TOR1AIP1: variants seen among roughly 807,000 people sequenced by gnomAD.
TOR1AIP1 encodes the protein torsin 1A interacting protein 1.
A neutral mutation model predicts 63.3 loss-of-function variants in TOR1AIP1; 54 were observed. The observed-to-expected ratio is 0.85, with a 90% CI of 0.69 to 1.07. TOR1AIP1 has a LOEUF of 1.07. Ranked by LOEUF, TOR1AIP1 falls within the 50% of genes least tolerant of loss-of-function variation. TOR1AIP1 has a pLI of 0.00. For missense variants in TOR1AIP1, 736 were observed against 715.0 expected (o/e 1.03, Z -0.33); for synonymous variants, 294 against 273.5 (o/e 1.07, Z -0.74).
At position 179,918,497 on chromosome 1, in the gene TOR1AIP1, G is replaced by C. The variant is rs912602020; in HGVS notation, c.*258G>C. On this transcript the variant is annotated 3_prime_UTR_variant, in exon 10 of 10. Coordinates refer to ENST00000606911, the MANE Select transcript of TOR1AIP1 (RefSeq NM_015602.4). ...TTATATGCAGTTCCTTAGAGAATCT[G>C]TTTTGATTCTGGGCTGAGTTATTAC... 5.3e-6 allele frequency: 2 copies of C among 377,530 alleles called. No homozygotes were observed. Among genetic ancestry groups the C allele is most frequent in the Non-Finnish European group, 4.7e-6 (1 of 210,580 alleles). The allele number at this position is 377,530 out of a possible 1,614,324, so 23.4% of individuals were successfully genotyped here.
At chr1:179,890,908 C>G (rs549857113) in intron 3 of TOR1AIP1, among the ~76,000 whole-genome samples, 1 of 152,202 alleles carries the variant, frequency 6.6e-6, no homozygotes, top group African/African-American at 2.4e-5. Flanking sequence ...GCATGCACAA[C>G]TGCGCCCAAC....
Position 179,882,375 on chromosome 1 carries a change from C to A in TOR1AIP1, c.-128C>A. ...ACGACGCAGGCGGCGGCCCCAGCGA[C>A]TCGCAACTGCCTCCCTGACCACAGC... On this transcript the variant is annotated 5_prime_UTR_variant, in exon 1 of 10. Coordinates refer to ENST00000606911, the MANE Select transcript of TOR1AIP1 (RefSeq NM_015602.4). 1.0e-6 allele frequency: 1 copy of A among 989,922 alleles called. No individual in the cohort carries two copies. The highest frequency in any genetic ancestry group is 1.4e-6 in the Non-Finnish European group (1 of 732,980). The allele number at this position is 989,922 out of a possible 1,614,324, so 61.3% of individuals were successfully genotyped here.
intron 8 of TOR1AIP1, among the ~76,000 whole-genome samples, chr1:179,910,541 C>T (rs1648801046): frequency 6.6e-6 from 1 of 152,162 alleles, no homozygotes; most frequent in South Asian, 2.1e-4. Flanking sequence ...TTTCTTATTG[C>T]TGTGATTATG....
chr1:179,897,092 ATTC>A (rs1648307564), intron 3 of TOR1AIP1, among the ~76,000 whole-genome samples: 1 of 152,226 alleles, frequency 6.6e-6, no homozygotes, highest in African/African-American at 2.4e-5. Context: ...ATAACTAGTT[ATTC>A]TTGTTTTGAA....
chr1:179,918,364 A>G lies in TOR1AIP1; in HGVS notation c.*125A>G. ...CTTTTTAAAGAAGTTAAGTGCTTAC[A>G]TAAACATGGAACATATAAATCATTC... On this transcript the variant is annotated 3_prime_UTR_variant, in exon 10 of 10. Coordinates refer to ENST00000606911, the MANE Select transcript of TOR1AIP1 (RefSeq NM_015602.4). 1 of 830,140 alleles carries G rather than the reference A, an allele frequency of 1.2e-6. No homozygotes were observed. Among genetic ancestry groups the G allele is most frequent in the Non-Finnish European group, 1.8e-6 (1 of 548,004 alleles). 51.4% of individuals were successfully genotyped at this position (830,140 alleles called of 1,614,324 possible).
chr1:179,908,750 T>G, intron 8 of TOR1AIP1, 77 bp downstream of exon 8: 1 of 1,216,510 alleles, frequency 8.2e-7, no homozygotes, highest in South Asian at 1.3e-5. Context: ...ATTTAGTTCT[T>G]CAGATAAACA....
At chr1:179,914,202 C>A in intron 9 of TOR1AIP1, 148 bp downstream of exon 9, 1 of 700,110 alleles carries the variant, frequency 1.4e-6, no homozygotes, top group Non-Finnish European at 2.4e-6. Flanking sequence ...ATATATTCTA[C>A]TAGCAGTGAA....
intron 8 of TOR1AIP1, chr1:179,913,498 G>T: frequency 1.4e-6 from 1 of 690,010 alleles, no homozygotes; most frequent in Non-Finnish European, 2.6e-6. Context: ...AAATAGTGAG[G>T]ATTAAGATTT....
chr1:179,883,940 GT>G, intron 1 of TOR1AIP1: 1 of 273,310 alleles, frequency 3.7e-6, no homozygotes, highest in Non-Finnish European at 7.5e-6. Context: ...GGATGACATA[GT>G]TTGTGGTAGA....
intron 3 of TOR1AIP1, among the ~76,000 whole-genome samples, chr1:179,893,001 G>A (rs924606377): frequency 6.6e-6 from 1 of 152,174 alleles, no homozygotes; most frequent in African/African-American, 2.4e-5. Flanking sequence ...AGCACTTTGG[G>A]AGGCCGAGGC....
At chr1:179,909,048 C>T (rs573654545) in intron 8 of TOR1AIP1, among the ~76,000 whole-genome samples, 70 of 152,116 alleles carry the variant, frequency 4.6e-4, no homozygotes, top group African/African-American at 1.6e-3. Flanking sequence ...CGGCGGGAGG[C>T]TACTCGGGAG....
intron 8 of TOR1AIP1, among the ~76,000 whole-genome samples, chr1:179,909,940 T>G (rs1214013486): frequency 1.3e-5 from 2 of 152,190 alleles, no homozygotes; most frequent in African/African-American, 4.8e-5. Context: ...ATATTTGTAC[T>G]TTTAGTAGAG....
intron 5 of TOR1AIP1, among the ~76,000 whole-genome samples, chr1:179,903,598 C>T (rs1287352248): frequency 6.6e-6 from 1 of 151,642 alleles, no homozygotes; most frequent in Non-Finnish European, 1.5e-5. Context: ...CCTCTGTCTC[C>T]CTGGTTCAAG....
intron 3 of TOR1AIP1, among the ~76,000 whole-genome samples, chr1:179,893,302 G>A (rs1046950930): frequency 2.0e-5 from 3 of 151,990 alleles, no homozygotes; most frequent in African/African-American, 7.2e-5. Flanking sequence ...TTCCTTTATA[G>A]TAATGTTAGT....
At chr1:179,916,410 A>G (rs762689515) in intron 9 of TOR1AIP1, among the ~76,000 whole-genome samples, 8 of 152,326 alleles carry the variant, frequency 5.3e-5, no homozygotes, top group Non-Finnish European at 7.3e-5. Flanking sequence ...AAAGGTCCCT[A>G]CTAAAATTAA....
intron 3 of TOR1AIP1, among the ~76,000 whole-genome samples, chr1:179,899,585 A>G (rs1648384341): frequency 6.6e-6 from 1 of 152,154 alleles, no homozygotes; most frequent in Non-Finnish European, 1.5e-5. Context: ...TTTTTTTTGC[A>G]TACAAAGGTT....
intron 8 of TOR1AIP1, 120 bp from the exon 9 acceptor site, chr1:179,913,878 T>A: frequency 1.1e-6 from 1 of 903,400 alleles, no homozygotes; most frequent in East Asian, 2.6e-5. Flanking sequence ...CTTCTGCTTC[T>A]GGCTGATCTC....
At position 179,914,359 on chromosome 1, in the gene TOR1AIP1, G is replaced by A. The variant is rs555270; in HGVS notation, c.964+305G>A. Reference sequence around the variant, plus strand: ...TGCTGAATTGAAAGAAAGTTAGCCAGAGCATGACTTTATGGGATTACAATG... The same window carrying A: ...TGCTGAATTGAAAGAAAGTTAGCCAAAGCATGACTTTATGGGATTACAATG... On this transcript the variant is annotated intron_variant, in intron 9 of 9. Coordinates refer to ENST00000606911, the MANE Select transcript of TOR1AIP1 (RefSeq NM_015602.4). 0.54 allele frequency among the ~76,000 whole-genome samples: 81,914 copies of A among 152,028 alleles called. 23,956 individuals carry two copies. Among genetic ancestry groups the A allele is most frequent in the East Asian group, 0.76 (3,917 of 5,174 alleles).
chr1:179,912,602 A>G (rs1648875992), intron 8 of TOR1AIP1, among the ~76,000 whole-genome samples: 1 of 152,198 alleles, frequency 6.6e-6, no homozygotes, highest in South Asian at 2.1e-4. Flanking sequence ...TATTCAAAAT[A>G]AACATTATCT....
Sources: gnomAD v4.1 joint callset for allele counts (sites outside exome capture counted in the v4.1 genomes callset) on GRCh38, gnomAD v4.1.1 for gene constraint, MANE v1.5 for transcripts, NCBI Gene and HGNC (gene_info 2026-07-23, HGNC 2026-07-21) for gene names.